Variants in COL5A1 observed in about 807,000 individuals in gnomAD.
The protein encoded by COL5A1 is collagen alpha-1(V) chain.
COL5A1 carries 16 observed loss-of-function variants against 263.7 expected under a neutral mutation model. The ratio of observed to expected loss-of-function variants is 0.06; its 90% confidence interval spans 0.04 to 0.09. COL5A1 has a LOEUF of 0.09. Among genes scored for constraint, COL5A1 ranks in the 10% least tolerant of loss-of-function variants. The probability of loss-of-function intolerance (pLI) is 1.00; values close to 1 mark genes in which losing one functional copy is unlikely to be tolerated. For missense variants in COL5A1, 2,036 were observed against 2,540.5 expected, an observed-to-expected ratio of 0.80 and a Z score of 4.27; for synonymous variants, 1,012 against 1,004.5, an observed-to-expected ratio of 1.01 and a Z score of -0.14.
chr9:134,759,512 C>A (rs1225623399), intron 18 of COL5A1, among the ~76,000 whole-genome samples: 1 of 135,238 alleles, frequency 7.4e-6, no homozygotes, highest in Non-Finnish European at 1.6e-5. Context: ...CATGCACACA[C>A]ACATACACAC....
intron 60 of COL5A1, 96 bp downstream of exon 60, chr9:134,823,129 T>C (rs895698430): frequency 6.4e-6 from 9 of 1,397,284 alleles, no homozygotes; most frequent in Non-Finnish European, 9.1e-6. Flanking sequence ...ACAACCGTCC[T>C]AGCTCAGGCC....
intron 11 of COL5A1, among the ~76,000 whole-genome samples, chr9:134,748,433 A>ACATG (rs766850526): frequency 1.2e-4 from 19 of 152,204 alleles, no homozygotes; most frequent in Non-Finnish European, 2.1e-4. Flanking sequence ...ACACTTACAC[A>ACATG]CATGCACTGC....
Position 134,763,102 on chromosome 9 carries a change from GTGTGTAGGCA to G in COL5A1, c.1990-580_1990-571del, listed in dbSNP as rs533604079. Among the ~76,000 whole-genome samples, 15 of 152,324 alleles carry G rather than the reference GTGTGTAGGCA, an allele frequency of 9.8e-5. No homozygotes were observed. The South Asian group carries it at 2.9e-3, about 29-fold the overall frequency. On this transcript the variant is annotated intron_variant, in intron 19 of 65. Coordinates refer to ENST00000371817, the MANE Select transcript of COL5A1 (RefSeq NM_000093.5). ...ATGCACAGGGTCTGTGTGTCCATGT[GTGTGTAGGCA>G]TGTGTAGGCAGGCTGTGTGTGAGCA... is the stretch of plus-strand genomic sequence containing the variant.
At chr9:134,703,802 T>A (rs1833753265) in intron 4 of COL5A1, among the ~76,000 whole-genome samples, 1 of 151,900 alleles carries the variant, frequency 6.6e-6, no homozygotes, top group Non-Finnish European at 1.5e-5. Context: ...CACACCCAGC[T>A]AATTTTTTTT....
rs889050947 is a variant in COL5A1, at chr9:134,842,554, G to T, written c.*251G>T. The T allele has an allele frequency of 8.4e-6, 5 of 593,752 alleles. No individual in the cohort carries two copies. The highest frequency in any genetic ancestry group is 2.9e-5 in the Admixed American group (1 of 34,540). The allele number at this position is 593,752 out of a possible 1,614,324, so 36.8% of individuals were successfully genotyped here. ...ACCCCAGCGCCTGGGCCCGCCCCAC[G>T]CTCTGTCCACACCCACGCGCCCCGG... On this transcript the variant is annotated 3_prime_UTR_variant, in exon 66 of 66. Coordinates refer to ENST00000371817, the MANE Select transcript of COL5A1 (RefSeq NM_000093.5). The surrounding 1 kb of genome is among the most constrained non-coding windows in gnomAD (Gnocchi z 5.8).
intron 5 of COL5A1, among the ~76,000 whole-genome samples, chr9:134,728,124 G>A (rs963577638): frequency 6.6e-6 from 1 of 152,232 alleles, no homozygotes; most frequent in Non-Finnish European, 1.5e-5. Flanking sequence ...GTGGGACCCC[G>A]TGGCCCAGGC....
chr9:134,819,595 CAAATGAG>C (rs1170627556), intron 57 of COL5A1, among the ~76,000 whole-genome samples: 1 of 152,214 alleles, frequency 6.6e-6, no homozygotes, highest in Admixed American at 6.5e-5. Flanking sequence ...AGCCCCAAGG[CAAATGAG>C]AGCTGGGGCT....
At chr9:134,777,627 C>G (rs1247863450) in intron 27 of COL5A1, among the ~76,000 whole-genome samples, 2 of 151,932 alleles carry the variant, frequency 1.3e-5, no homozygotes, top group African/African-American at 4.8e-5. Flanking sequence ...TGGGGATCCT[C>G]AAACGGTAGA....
In COL5A1 at chr9:134,785,086, C is replaced by G. The variant is rs1564457136; in HGVS notation, c.2582C>G (p.Pro861Arg). Residue 861 changes from proline (P) to arginine (R), a missense_variant, in exon 30 of 66, where the codon CCT (proline) becomes CGT (arginine). Around this residue, in one of 3 missense-constraint regions of COL5A1, gnomAD observed 1,078 missense variants for 1,521.4 expected, o/e 0.71. Coordinates refer to ENST00000371817, the MANE Select transcript of COL5A1 (RefSeq NM_000093.5). Reference protein sequence around the residue: ...PNGDPGPLGPPGEKGKLGVPG... With the variant: ...PNGDPGPLGPRGEKGKLGVPG... ...GGTGACCCCGGTCCTCTGGGACCCC[C>G]TGGGGAGAAGGTTTGTGATGTGGGA... 6.2e-7 allele frequency: 1 copy of G among 1,612,740 alleles called. No individual in the cohort carries two copies. The highest frequency in any genetic ancestry group is 8.5e-7 in the Non-Finnish European group (1 of 1,179,438).
chr9:134,810,220 A>G, intron 43 of COL5A1, 35 bp from the exon 44 acceptor site: 2 of 1,612,568 alleles, frequency 1.2e-6, no homozygotes, highest in Non-Finnish European at 8.5e-7. Flanking sequence ...ACGGTTGTCA[A>G]GCTTTCTAAC....
At chr9:134,747,651 ATG>A (rs1298506525) in intron 11 of COL5A1, among the ~76,000 whole-genome samples, 2 of 151,618 alleles carry the variant, frequency 1.3e-5, no homozygotes, top group Admixed American at 1.3e-4. Context: ...ATTCATACAC[ATG>A]CAGACACATG....
In COL5A1 at chr9:134,677,663, C is replaced by A. The variant is rs556990564; in HGVS notation, c.110-13249C>A. 7.7e-4 allele frequency among the ~76,000 whole-genome samples: 117 copies of A among 152,334 alleles called. No individual in the cohort carries two copies. Among genetic ancestry groups the A allele is most frequent in the African/African-American group, 2.6e-3 (110 of 41,572 alleles). On this transcript the variant is annotated intron_variant, in intron 1 of 65. Coordinates refer to ENST00000371817, the MANE Select transcript of COL5A1 (RefSeq NM_000093.5). The surrounding 1 kb of genome is among the most constrained non-coding windows in gnomAD (Gnocchi z 4.4). ...CCATTCTTCAAGCGCCCTTTTCCAT[C>A]CTGTAGTGAGCCATCTGTCTATATC...
At chr9:134,723,362 C>T (rs761962452) in intron 4 of COL5A1, among the ~76,000 whole-genome samples, 3 of 152,266 alleles carry the variant, frequency 2.0e-5, no homozygotes, top group East Asian at 1.9e-4. Context: ...AGGTACGTGG[C>T]GGCCAGGGAC....
intron 4 of COL5A1, among the ~76,000 whole-genome samples, chr9:134,725,827 A>G (rs1211890021): frequency 2.0e-5 from 3 of 152,226 alleles, no homozygotes; most frequent in African/African-American, 7.2e-5. Context: ...CTATGCATAT[A>G]CCACACTCTG....
In COL5A1 at chr9:134,817,671, T is replaced by C. The variant is rs7854010; in HGVS notation, c.4177-107T>C. ...GCACCTGCACCCGAGCTCGTCCCTC[T>C]GCCCCTGCAGGCCACACACACACAC... On this transcript the variant is annotated intron_variant, in intron 53 of 65. Coordinates refer to ENST00000371817, the MANE Select transcript of COL5A1 (RefSeq NM_000093.5). 234,317 of 1,011,290 alleles carry C rather than the reference T, an allele frequency of 0.23. 28,499 individuals are homozygous for C. The highest frequency in any genetic ancestry group is 0.32 in the Admixed American group (16,098 of 50,414). The allele number at this position is 1,011,290 out of a possible 1,614,324, so 62.6% of individuals were successfully genotyped here.
intron 2 of COL5A1, among the ~76,000 whole-genome samples, chr9:134,695,136 A>G (rs1833413548): frequency 6.6e-6 from 1 of 151,720 alleles, no homozygotes; most frequent in Non-Finnish European, 1.5e-5. Flanking sequence ...GGTCCTCTCT[A>G]TTTTGTCCTC....
chr9:134,718,016 G>A (rs1002397688), intron 4 of COL5A1, among the ~76,000 whole-genome samples: 3 of 150,794 alleles, frequency 2.0e-5, no homozygotes, highest in East Asian at 2.0e-4. Context: ...CTGGGGGGCC[G>A]CGGCCACGGG....
chr9:134,732,247 C>G, intron 9 of COL5A1, 120 bp downstream of exon 9: 1 of 991,824 alleles, frequency 1.0e-6, no homozygotes, highest in South Asian at 1.3e-5. Context: ...TGGGTCACTT[C>G]GAGCAACCAC....
chr9:134,697,249 C>T (rs909133907), intron 2 of COL5A1, among the ~76,000 whole-genome samples: 1 of 152,136 alleles, frequency 6.6e-6, no homozygotes, highest in Non-Finnish European at 1.5e-5. Context: ...AATGGGCCAT[C>T]TCACAGTGAC....
Sources: allele counts gnomAD v4.1 joint callset (sites outside exome capture counted in the v4.1 genomes callset), GRCh38; gene constraint gnomAD v4.1.1; regional missense constraint gnomAD v4.1.1; non-coding constraint Gnocchi (gnomAD v3.1); transcripts MANE v1.5; gene names NCBI Gene and HGNC (gene_info 2026-07-23, HGNC 2026-07-21).